DTNB: variants seen among roughly 807,000 people sequenced by gnomAD.
DTNB encodes the protein DTN-B.
A neutral mutation model predicts 90.7 loss-of-function variants in DTNB; 63 were observed. That is an observed-to-expected ratio of 0.69 (90% CI 0.57 to 0.86). DTNB has a LOEUF of 0.86. DTNB is among the 40% of genes least tolerant of loss of function. The probability of loss-of-function intolerance (pLI) is 0.00; values close to 1 mark genes in which losing one functional copy is unlikely to be tolerated. For missense variants in DTNB, 744 were observed against 807.1 expected, an observed-to-expected ratio of 0.92 and a Z score of 0.95; for synonymous variants, 277 against 286.7, an observed-to-expected ratio of 0.97 and a Z score of 0.34.
At chr2:25,549,287 G>A (rs1327646587) in intron 8 of DTNB, among the ~76,000 whole-genome samples, 1 of 151,592 alleles carries the variant, frequency 6.6e-6, no homozygotes, top group Non-Finnish European at 1.5e-5. Context: ...GACTTATTTT[G>A]TATCTTCTAT....
At chr2:25,442,043 C>T (rs1386869848) in intron 12 of DTNB, among the ~76,000 whole-genome samples, 1 of 152,024 alleles carries the variant, frequency 6.6e-6, no homozygotes, top group Non-Finnish European at 1.5e-5. Context: ...GATTTTTGAA[C>T]TTTTAATAAG....
At chr2:25,440,452 C>T (rs1319987702) in intron 12 of DTNB, among the ~76,000 whole-genome samples, 1 of 152,142 alleles carries the variant, frequency 6.6e-6, no homozygotes, top group Non-Finnish European at 1.5e-5. Flanking sequence ...ACTCTTGCAT[C>T]GTAAGTTAGT....
At chr2:25,482,988 A>C in intron 9 of DTNB, 115 bp from the exon 10 acceptor site, 28 of 907,072 alleles carry the variant, frequency 3.1e-5, no homozygotes, top group East Asian at 2.9e-4. Flanking sequence ...GTAAGCACAG[A>C]CGGACCCATG....
At chr2:25,532,574 G>T (rs1219833347) in intron 8 of DTNB, among the ~76,000 whole-genome samples, 1 of 152,122 alleles carries the variant, frequency 6.6e-6, no homozygotes, top group Non-Finnish European at 1.5e-5. Context: ...TCATAAATAA[G>T]CACAAAAGTA....
At chr2:25,488,048 T>C (rs900956762) in intron 9 of DTNB, among the ~76,000 whole-genome samples, 1 of 152,160 alleles carries the variant, frequency 6.6e-6, no homozygotes, top group Non-Finnish European at 1.5e-5. Context: ...TAAGATAAGA[T>C]ACCCAAGCCC....
intron 14 of DTNB, among the ~76,000 whole-genome samples, chr2:25,430,564 C>T (rs891466631): frequency 1.4e-4 from 21 of 151,904 alleles, no homozygotes; most frequent in Admixed American, 1.3e-3. Context: ...GGACTATCCC[C>T]ACCATATTAG....
At chr2:25,582,642 T>A (rs2061724091) in intron 6 of DTNB, among the ~76,000 whole-genome samples, 1 of 152,054 alleles carries the variant, frequency 6.6e-6, no homozygotes, top group Non-Finnish European at 1.5e-5. Context: ...CGGGAGGAGC[T>A]GAGAACTACG....
intron 8 of DTNB, among the ~76,000 whole-genome samples, chr2:25,554,277 T>C (rs1462158241): frequency 6.6e-6 from 1 of 152,150 alleles, no homozygotes; most frequent in East Asian, 1.9e-4. Context: ...CAGGGAAAAA[T>C]GTTGCACTGA....
At chr2:25,638,394 T>C (rs1320894363) in intron 3 of DTNB, among the ~76,000 whole-genome samples, 2 of 152,224 alleles carry the variant, frequency 1.3e-5, no homozygotes, top group Non-Finnish European at 2.9e-5. Flanking sequence ...CCAAGGTTTT[T>C]CAATTCTAAG....
At chr2:25,608,747 C>G (rs1230505009) in intron 4 of DTNB, among the ~76,000 whole-genome samples, 1 of 151,916 alleles carries the variant, frequency 6.6e-6, no homozygotes, top group Non-Finnish European at 1.5e-5. Context: ...CCTTATGGGA[C>G]AAGTAGACTT....
At chr2:25,655,696 C>T (rs1472704866) in intron 1 of DTNB, among the ~76,000 whole-genome samples, 1 of 152,156 alleles carries the variant, frequency 6.6e-6, no homozygotes, top group African/African-American at 2.4e-5. Flanking sequence ...AATCCCGGAA[C>T]TGCATGGCAA....
chr2:25,518,377 T>C (rs78970669), intron 9 of DTNB, among the ~76,000 whole-genome samples: 3,534 of 152,194 alleles, frequency 0.023, 125 homozygotes, highest in African/African-American at 0.081. Flanking sequence ...TTGTAAATAA[T>C]CACCCTCCTT....
chr2:25,625,970 A>C (rs2074066642), intron 4 of DTNB, among the ~76,000 whole-genome samples: 1 of 152,172 alleles, frequency 6.6e-6, no homozygotes, highest in Admixed American at 6.5e-5. Flanking sequence ...TACCACAAAA[A>C]GGTGCCGTCT....
intron 1 of DTNB, among the ~76,000 whole-genome samples, chr2:25,659,757 T>TA (rs977830090): frequency 1.7e-4 from 25 of 151,042 alleles, no homozygotes; most frequent in African/African-American, 5.6e-4. Flanking sequence ...ATTTGTAGTT[T>TA]AAAAAAAAAC....
intron 5 of DTNB, among the ~76,000 whole-genome samples, chr2:25,599,532 G>A (rs183705144): frequency 5.3e-5 from 8 of 151,740 alleles, no homozygotes; most frequent in East Asian, 3.9e-4. Context: ...TAGTAGAGAC[G>A]GGGTTTCACC....
chr2:25,656,928 C>T (rs768898190), intron 1 of DTNB, among the ~76,000 whole-genome samples: 3 of 152,216 alleles, frequency 2.0e-5, no homozygotes, highest in Non-Finnish European at 2.9e-5. Context: ...AATCCCAGCA[C>T]GTTGGGAGGC....
At chr2:25,473,508 G>C (rs2063193914) in intron 10 of DTNB, among the ~76,000 whole-genome samples, 1 of 152,208 alleles carries the variant, frequency 6.6e-6, no homozygotes, top group Non-Finnish European at 1.5e-5. Flanking sequence ...ATCAGAAAGA[G>C]AGACAGACAG....
chr2:25,549,334 C>T (rs1361158882), intron 8 of DTNB, among the ~76,000 whole-genome samples: 2 of 151,948 alleles, frequency 1.3e-5, no homozygotes, highest in African/African-American at 4.8e-5. Context: ...TTCCTGTCTT[C>T]TCTTGGATTG....
At chr2:25,397,877 CAAAAAAAAAAA>C (rs56318909) in intron 16 of DTNB, among the ~76,000 whole-genome samples, 1 of 73,154 alleles carries the variant, frequency 1.4e-5, no homozygotes, top group Non-Finnish European at 2.8e-5. Flanking sequence ...AAGACTGTCT[CAAAAAAAAAAA>C]AAAAAAAAAA....
Sources: gnomAD v4.1 joint callset for allele counts (sites outside exome capture counted in the v4.1 genomes callset) on GRCh38, gnomAD v4.1.1 for gene constraint, MANE v1.5 for transcripts, NCBI Gene and HGNC (gene_info 2026-07-23, HGNC 2026-07-21) for gene names.